The following EXOC5 variants were observed in gnomAD, a reference collection of about 807,000 sequenced individuals.
The protein encoded by EXOC5 is exocyst complex component 5.
Under a neutral mutation model 90.8 loss-of-function variants are expected in EXOC5, and 17 were observed. That is an observed-to-expected ratio of 0.19 (90% CI 0.13 to 0.28). EXOC5 has a LOEUF of 0.28. EXOC5 is among the 10% of genes least tolerant of loss of function. EXOC5 has a pLI of 1.00. For missense variants in EXOC5, 569 were observed against 830.6 expected (o/e 0.69, Z 3.87); for synonymous variants, 260 against 270.0 (o/e 0.96, Z 0.36).
chr14:57,257,681 A>T (rs923827053), intron 1 of EXOC5, among the ~76,000 whole-genome samples: 1 of 152,046 alleles, frequency 6.6e-6, no homozygotes, highest in Admixed American at 6.6e-5. Flanking sequence ...CAAAAAATAA[A>T]AAATAAATAA....
At chr14:57,228,230 T>C (rs568997195) in intron 12 of EXOC5, among the ~76,000 whole-genome samples, 83 of 152,190 alleles carry the variant, frequency 5.5e-4, no homozygotes, top group African/African-American at 1.9e-3. Flanking sequence ...TGTGGAGAAA[T>C]AGGAATGCTT....
At chr14:57,248,241 C>A (rs942628000) in intron 1 of EXOC5, among the ~76,000 whole-genome samples, 6 of 151,438 alleles carry the variant, frequency 4.0e-5, no homozygotes, top group Admixed American at 3.9e-4. Context: ...TACAAATGCT[C>A]GTATACCCTA....
At chr14:57,234,856 C>T (rs1220904157) in intron 7 of EXOC5, among the ~76,000 whole-genome samples, 7 of 152,032 alleles carry the variant, frequency 4.6e-5, no homozygotes, top group Non-Finnish European at 8.8e-5. Context: ...TGAGCCATTG[C>T]GCCTGGCCTT....
chr14:57,236,287 CTT>C (rs746905430), intron 6 of EXOC5, among the ~76,000 whole-genome samples: 7 of 130,404 alleles, frequency 5.4e-5, no homozygotes, highest in East Asian at 2.2e-4. Context: ...TTTTCATTTT[CTT>C]TTTTTTTTTT....
intron 2 of EXOC5, among the ~76,000 whole-genome samples, chr14:57,247,417 T>C (rs976127551): frequency 6.6e-6 from 1 of 152,152 alleles, no homozygotes; most frequent in Non-Finnish European, 1.5e-5. Context: ...ACTTCCTGCA[T>C]ACCAGTTAAA....
chr14:57,209,501 A>G, intron 17 of EXOC5, 66 bp downstream of exon 17: 1 of 847,762 alleles, frequency 1.2e-6, no homozygotes, highest in African/African-American at 1.7e-5. Context: ...GTAAATAGTG[A>G]TTTTTAATAA....
intron 9 of EXOC5, 165 bp from the exon 10 acceptor site, chr14:57,232,914 A>C (rs149531623): frequency 4.8e-5 from 24 of 502,204 alleles, no homozygotes; most frequent in African/African-American, 2.4e-4. Context: ...AAATATTTTA[A>C]AACAGGTTTT....
intron 15 of EXOC5, 120 bp from the exon 16 acceptor site, chr14:57,210,181 T>G: frequency 1.8e-6 from 1 of 556,150 alleles, no homozygotes; most frequent in Non-Finnish European, 3.2e-6. Context: ...ATGAAACTCT[T>G]TTACTATTGG....
chr14:57,259,255 C>T (rs138953724), intron 1 of EXOC5, among the ~76,000 whole-genome samples: 251 of 152,174 alleles, frequency 1.6e-3, no homozygotes, highest in African/African-American at 5.5e-3. Flanking sequence ...TGCGCCATCA[C>T]ATCCGGCTAA....
At chr14:57,212,034 A>AT (rs1299443030) in intron 15 of EXOC5, among the ~76,000 whole-genome samples, 1 of 152,054 alleles carries the variant, frequency 6.6e-6, no homozygotes, top group Admixed American at 6.6e-5. Context: ...TAATTCTTAA[A>AT]TTTTTTGTGT....
chr14:57,256,224 G>A (rs1884345408), intron 1 of EXOC5, among the ~76,000 whole-genome samples: 1 of 152,134 alleles, frequency 6.6e-6, no homozygotes, highest in Non-Finnish European at 1.5e-5. Context: ...AATACACAAT[G>A]GGGGCAGAGA....
At position 57,268,882 on chromosome 14, in the gene EXOC5, G is replaced by A. The variant is rs777510477; in HGVS notation, c.-234C>T. On this transcript the variant is annotated 5_prime_UTR_variant, in exon 1 of 18. Coordinates refer to ENST00000621441, the MANE Select transcript of EXOC5 (RefSeq NM_006544.4). The stretch of plus-strand genomic sequence containing the variant: ...CGCCCGCGCTGCTCCCATTGTCACC[G>A]CCTCATACGCCGGAAGTGGAACTGC... 1.5e-5 allele frequency: 17 copies of A among 1,110,456 alleles called. No homozygotes were observed. The highest frequency in any genetic ancestry group is 1.9e-5 in the Non-Finnish European group (16 of 822,116). 68.8% of individuals were successfully genotyped at this position (1,110,456 alleles called of 1,614,324 possible). A position where few individuals can be genotyped will look rare whatever the true frequency, so the allele number is the denominator to read the frequency against.
chr14:57,226,649 C>T (rs543411224), intron 12 of EXOC5, among the ~76,000 whole-genome samples: 1 of 152,242 alleles, frequency 6.6e-6, no homozygotes, highest in African/African-American at 2.4e-5. Context: ...TAAAGACAGA[C>T]CAATGGAACA....
In EXOC5 at chr14:57,236,355, G is replaced by A. The variant is rs112511888; in HGVS notation, c.560-535C>T. Among the ~76,000 whole-genome samples the A allele has an allele frequency of 2.4e-3, 354 of 147,986 alleles. 2 individuals are homozygous for A. Among genetic ancestry groups the A allele is most frequent in the African/African-American group, 8.4e-3 (333 of 39,652 alleles). ...AGTCAAAGTGCAGTGGCGCGATCTC[G>A]GCTCACTGCAACCTCCACCTGCTGG... is the stretch of plus-strand genomic sequence containing the variant. On this transcript the variant is annotated intron_variant, in intron 6 of 17. Transcript: ENST00000621441.
chr14:57,231,413 T>G, intron 11 of EXOC5, 93 bp downstream of exon 11: 1 of 788,590 alleles, frequency 1.3e-6, no homozygotes, highest in South Asian at 1.8e-5. Context: ...CACAGAAAAT[T>G]CTAATGATAG....
chr14:57,219,645 T>A (rs1458285513), intron 13 of EXOC5, among the ~76,000 whole-genome samples: 1 of 152,178 alleles, frequency 6.6e-6, no homozygotes, highest in Admixed American at 6.5e-5. Context: ...GTTATTTTTA[T>A]GCCCAATGTT....
intron 17 of EXOC5, 113 bp downstream of exon 17, chr14:57,209,454 A>G (rs1364604699): frequency 8.4e-6 from 5 of 598,042 alleles, no homozygotes; most frequent in African/African-American, 7.4e-5. Flanking sequence ...ATCTCATACA[A>G]TATCAACAAA....
At chr14:57,245,725 G>C (rs1003940747) in intron 3 of EXOC5, among the ~76,000 whole-genome samples, 2 of 152,054 alleles carry the variant, frequency 1.3e-5, no homozygotes, top group Non-Finnish European at 2.9e-5. Flanking sequence ...ATCCCTGAGA[G>C]GCAGCAAAGC....
At chr14:57,226,786 T>C (rs556326339) in intron 12 of EXOC5, among the ~76,000 whole-genome samples, 1 of 152,292 alleles carries the variant, frequency 6.6e-6, no homozygotes, top group South Asian at 2.1e-4. Flanking sequence ...TGCCTAATTG[T>C]AAAATTATGA....
Sources: gnomAD v4.1 joint callset for allele counts (sites outside exome capture counted in the v4.1 genomes callset) on GRCh38, gnomAD v4.1.1 for gene constraint, MANE v1.5 for transcripts, NCBI Gene and HGNC (gene_info 2026-07-23, HGNC 2026-07-21) for gene names.